GPHN: variants seen among roughly 807,000 people sequenced by gnomAD.
GPHN encodes the protein gephyrin.
GPHN carries 17 observed loss-of-function variants against 95.5 expected under a neutral mutation model. The ratio of observed to expected loss-of-function variants is 0.18; its 90% confidence interval spans 0.12 to 0.27. The LOEUF (loss-of-function observed/expected upper bound fraction) is 0.27, where lower values mean the gene tolerates loss of function less well. Ranked by LOEUF, GPHN falls within the 10% of genes least tolerant of loss-of-function variation. The pLI is 1.00. For synonymous variants in GPHN, 320 were observed against 322.5 expected, an observed-to-expected ratio of 0.99 and a Z score of 0.08; for missense variants, 660 against 978.1, an observed-to-expected ratio of 0.67 and a Z score of 4.34.
chr14:67,338,860 C>T, the GPHN span: 5 of 1,057,798 alleles, frequency 4.7e-6, no homozygotes, highest in Non-Finnish European at 6.5e-6. Flanking sequence ...TAAACACATA[C>T]CTAGAAAAAA....
intron 13 of GPHN, among the ~76,000 whole-genome samples, chr14:67,103,543 C>A (rs1487221043): frequency 1.2e-5 from 1 of 83,256 alleles, no homozygotes; most frequent in African/African-American, 5.6e-5. Flanking sequence ...TTTTTGTGGC[C>A]TCTTCAGTCT....
At chr14:66,603,934 G>C (rs1368102940) in intron 1 of GPHN, among the ~76,000 whole-genome samples, 2 of 151,958 alleles carry the variant, frequency 1.3e-5, no homozygotes, top group Non-Finnish European at 2.9e-5. Context: ...ATATTTCACT[G>C]TCCTTTATGT....
At chr14:66,547,507 ACAAGTTTTGG>A (rs555691986) in intron 1 of GPHN, among the ~76,000 whole-genome samples, 31 of 152,344 alleles carry the variant, frequency 2.0e-4, no homozygotes, top group Admixed American at 1.3e-3. Flanking sequence ...TCAGAAATAG[ACAAGTTTTGG>A]CAAGGACAAG....
intron 4 of GPHN, among the ~76,000 whole-genome samples, chr14:66,826,298 A>C (rs144682908): frequency 6.6e-6 from 1 of 152,160 alleles, no homozygotes; most frequent in Non-Finnish European, 1.5e-5. Flanking sequence ...CAACAAGGTG[A>C]CCATAGACGG....
chr14:66,668,217 A>G (rs2066084079), intron 1 of GPHN, among the ~76,000 whole-genome samples: 2 of 152,244 alleles, frequency 1.3e-5, no homozygotes, highest in Non-Finnish European at 2.9e-5. Flanking sequence ...TGTGGAAGAC[A>G]GTGTGGCAAT....
At chr14:66,790,758 A>G (rs2059942961) in intron 3 of GPHN, among the ~76,000 whole-genome samples, 1 of 152,194 alleles carries the variant, frequency 6.6e-6, no homozygotes, top group East Asian at 1.9e-4. Flanking sequence ...AGTCCCACCC[A>G]TTGCAGTGAC....
chr14:66,880,587 G>A (rs1387813753), intron 5 of GPHN, among the ~76,000 whole-genome samples: 1 of 151,774 alleles, frequency 6.6e-6, no homozygotes, highest in African/African-American at 2.4e-5. Context: ...GTTCTCACAA[G>A]TTAGGAGCTT....
chr14:67,634,383 A>C, the GPHN span, among the ~76,000 whole-genome samples: 3 of 151,286 alleles, frequency 2.0e-5, no homozygotes, highest in Non-Finnish European at 4.4e-5. Context: ...ACTTAAGCCC[A>C]GGAGTTCAAG....
chr14:67,201,753 T>A, the GPHN span: 1 of 329,670 alleles, frequency 3.0e-6, no homozygotes, highest in Admixed American at 4.0e-5. Flanking sequence ...TTTGGGTAAG[T>A]TATCAATAGT....
At chr14:66,913,842 G>A (rs1033147843) in intron 5 of GPHN, among the ~76,000 whole-genome samples, 3 of 152,090 alleles carry the variant, frequency 2.0e-5, no homozygotes, top group African/African-American at 7.2e-5. Context: ...GGTGCTTATA[G>A]TTTTTAAATT....
chr14:67,111,730 G>T (rs1237459763), intron 14 of GPHN, 131 bp from the exon 15 acceptor site: 4 of 748,418 alleles, frequency 5.3e-6, no homozygotes, highest in Non-Finnish European at 9.6e-6. Context: ...TTCAAAGGGT[G>T]TAGCAAATAG....
intron 11 of GPHN, among the ~76,000 whole-genome samples, chr14:67,083,365 G>A (rs1197933436): frequency 6.6e-6 from 1 of 151,976 alleles, no homozygotes. Flanking sequence ...TTAAAAGTGT[G>A]TGGCACCTGC....
At chr14:67,609,371 T>C in the GPHN span, among the ~76,000 whole-genome samples, 1 of 152,122 alleles carries the variant, frequency 6.6e-6, no homozygotes, top group Non-Finnish European at 1.5e-5. Context: ...GCTCAGGCGC[T>C]TTTGTCCCAT....
At position 66,824,582 on chromosome 14, in the gene GPHN, C is replaced by T. The variant is rs373605696; in HGVS notation, c.294+16C>T. Reference sequence around the variant, plus strand: ...CACTCCAGAGGTGAGATAGTACATGCCTTTTCATATTCAAGGATTAAACTA... The same window carrying T: ...CACTCCAGAGGTGAGATAGTACATGTCTTTTCATATTCAAGGATTAAACTA... On this transcript the variant is annotated intron_variant, in intron 4 of 22. Coordinates refer to ENST00000478722, the MANE Select transcript of GPHN (RefSeq NM_020806.5). 35 of 1,132,156 alleles carry T rather than the reference C, an allele frequency of 3.1e-5. No homozygotes were observed. Among genetic ancestry groups the T allele is most frequent in the Non-Finnish European group, 4.6e-5 (34 of 740,308 alleles). The allele number at this position is 1,132,156 out of a possible 1,614,324, so 70.1% of individuals were successfully genotyped here.
chr14:67,579,301 G>A, the GPHN span: 1 of 1,531,868 alleles, frequency 6.5e-7, no homozygotes, highest in Non-Finnish European at 8.8e-7. Flanking sequence ...TTTACCAACG[G>A]GACTTACCAT....
the GPHN span, among the ~76,000 whole-genome samples, chr14:67,405,425 G>A: frequency 1.3e-5 from 2 of 151,828 alleles, no homozygotes; most frequent in Non-Finnish European, 2.9e-5. Context: ...TAATAATATG[G>A]CACCAAGGCA....
intron 10 of GPHN, among the ~76,000 whole-genome samples, chr14:67,042,711 G>A (rs1463013570): frequency 2.6e-5 from 4 of 152,058 alleles, no homozygotes; most frequent in Admixed American, 2.6e-4. Context: ...TTGGCTATGT[G>A]GGCTCTTTTT....
chr14:66,622,021 A>G (rs959373108), intron 1 of GPHN, among the ~76,000 whole-genome samples: 6 of 152,124 alleles, frequency 3.9e-5, no homozygotes, highest in Admixed American at 1.3e-4. Flanking sequence ...TCAACCCCAC[A>G]TTTCTTTTCT....
the GPHN span, among the ~76,000 whole-genome samples, chr14:67,683,592 C>A: frequency 6.6e-6 from 1 of 152,278 alleles, no homozygotes; most frequent in South Asian, 2.1e-4. Context: ...TAATAAAGTC[C>A]CTGTTTGCCT....
Sources: gnomAD v4.1 joint callset for allele counts (sites outside exome capture counted in the v4.1 genomes callset) on GRCh38, gnomAD v4.1.1 for gene constraint, MANE v1.5 for transcripts, NCBI Gene and HGNC (gene_info 2026-07-23, HGNC 2026-07-21) for gene names.